NEDD4L: variants seen among roughly 807,000 people sequenced by gnomAD.
NEDD4L encodes NEDD4 like E3 ubiquitin protein ligase, also known as E3 ubiquitin-protein ligase NEDD4-like.
A neutral mutation model predicts 148.9 loss-of-function variants in NEDD4L; 54 were observed. The ratio of observed to expected loss-of-function variants is 0.36; its 90% CI spans 0.29 to 0.45. NEDD4L has a LOEUF of 0.45. NEDD4L is among the 20% of genes least tolerant of loss of function. The pLI is 1.00. For synonymous variants in NEDD4L, 433 were observed against 440.7 expected (o/e 0.98, Z 0.22); for missense variants, 856 against 1,233.8 (o/e 0.69, Z 4.59).
intron 1 of NEDD4L, among the ~76,000 whole-genome samples, chr18:58,142,012 C>T (rs572311737): frequency 3.2e-4 from 46 of 143,894 alleles, no homozygotes; most frequent in Non-Finnish European, 5.0e-4. Flanking sequence ...CCCACCCCCC[C>T]GACCCCACTG....
chr18:58,319,237 C>G (rs2058562107), intron 6 of NEDD4L, among the ~76,000 whole-genome samples: 1 of 152,144 alleles, frequency 6.6e-6, no homozygotes, highest in African/African-American at 2.4e-5. Flanking sequence ...CAGCAATAAG[C>G]AGGTCATTGG....
At chr18:58,071,880 G>A (rs2082888873) in intron 1 of NEDD4L, among the ~76,000 whole-genome samples, 1 of 152,162 alleles carries the variant, frequency 6.6e-6, no homozygotes, top group African/African-American at 2.4e-5. Flanking sequence ...AGTACCATGA[G>A]AACAGTATGG....
intron 9 of NEDD4L, among the ~76,000 whole-genome samples, chr18:58,328,601 C>G (rs995302805): frequency 3.9e-5 from 6 of 152,164 alleles, no homozygotes; most frequent in Non-Finnish European, 5.9e-5. Context: ...TGCTGGACTT[C>G]TAGAAGGATT....
At chr18:58,374,603 A>G (rs2047309595) in intron 24 of NEDD4L, among the ~76,000 whole-genome samples, 1 of 151,966 alleles carries the variant, frequency 6.6e-6, no homozygotes, top group Non-Finnish European at 1.5e-5. Context: ...TCTGGTCTCC[A>G]GCAGCCTCCC....
chr18:58,370,474 A>T lies in NEDD4L; in HGVS notation c.2256+7A>T. On this transcript the variant is annotated splice_region_variant and intron_variant, in intron 23 of 30. Transcript: ENST00000400345. ...GAATGACATGGAATCTGTGGTAAGTAAATGCACGTCACACACTGGCCATCA... is the reference window on the plus strand; with the variant it reads ...GAATGACATGGAATCTGTGGTAAGTTAATGCACGTCACACACTGGCCATCA... 6.3e-7 allele frequency: 1 copy of T among 1,582,500 alleles called. No homozygotes were observed. The highest frequency in any genetic ancestry group is 1.7e-5 in the Admixed American group (1 of 60,000).
intron 6 of NEDD4L, among the ~76,000 whole-genome samples, chr18:58,317,789 G>A (rs752329446): frequency 5.3e-5 from 8 of 152,190 alleles, no homozygotes; most frequent in Admixed American, 1.3e-4. Flanking sequence ...GGGTAGAGCC[G>A]TGAACGCCCA....
At chr18:58,209,165 CCCCTCA>C in intron 2 of NEDD4L, among the ~76,000 whole-genome samples, 1 of 89,958 alleles carries the variant, frequency 1.1e-5, no homozygotes, top group African/African-American at 3.7e-5. Flanking sequence ...GCAATTCCTC[CCCCTCA>C]TCCTGCCCCC....
rs57529055 is a variant in NEDD4L, at chr18:58,273,427, C to A, written c.297+21373C>A. On this transcript the variant is annotated intron_variant, in intron 5 of 30. Transcript: ENST00000400345. ...TCTCTCTCTCTCGTTGTTACTCTTA[C>A]AAATGATAGGAGGCCACTTTTGTTT... Among the ~76,000 whole-genome samples the A allele has an allele frequency of 8.3e-3, 1,264 of 152,318 alleles. 20 individuals are homozygous for A. Among genetic ancestry groups the A allele is most frequent in the African/African-American group, 0.029 (1,202 of 41,576 alleles).
intron 30 of NEDD4L, among the ~76,000 whole-genome samples, chr18:58,392,664 C>A (rs914289739): frequency 3.3e-5 from 5 of 152,090 alleles, no homozygotes; most frequent in African/African-American, 1.2e-4. Flanking sequence ...CAGTCATTGT[C>A]CGTGGTTCTC....
chr18:58,389,309 G>C, intron 28 of NEDD4L, 117 bp downstream of exon 28: 1 of 710,808 alleles, frequency 1.4e-6, no homozygotes, highest in Non-Finnish European at 2.3e-6. Flanking sequence ...GGGTCTGTTA[G>C]AGCTTGGACT....
chr18:58,105,461 A>G (rs2085017663), intron 1 of NEDD4L, among the ~76,000 whole-genome samples: 1 of 152,192 alleles, frequency 6.6e-6, no homozygotes, highest in Non-Finnish European at 1.5e-5. Context: ...GTGCCTAGCA[A>G]CGGCTTAATA....
intron 2 of NEDD4L, chr18:58,227,838 C>G (rs901667653): frequency 1.8e-5 from 18 of 974,892 alleles, no homozygotes; most frequent in Non-Finnish European, 2.1e-5. Flanking sequence ...AGCTTCTGCT[C>G]CATTGCTGTT....
At chr18:58,257,565 T>C (rs1308476407) in intron 5 of NEDD4L, among the ~76,000 whole-genome samples, 1 of 152,156 alleles carries the variant, frequency 6.6e-6, no homozygotes, top group East Asian at 1.9e-4. Context: ...CCGAGGATGC[T>C]GTATATAGAA....
chr18:58,271,433 G>T (rs2148819444), intron 5 of NEDD4L, among the ~76,000 whole-genome samples: 2 of 152,176 alleles, frequency 1.3e-5, no homozygotes, highest in Middle Eastern at 6.8e-3. Context: ...TTTTTTAAAG[G>T]CCAAACCAAG....
chr18:58,143,758 C>T (rs1301204276), intron 1 of NEDD4L, among the ~76,000 whole-genome samples: 2 of 152,074 alleles, frequency 1.3e-5, no homozygotes, highest in African/African-American at 2.4e-5. Context: ...GAAGACACAG[C>T]GGCCGGTGGT....
intron 1 of NEDD4L, among the ~76,000 whole-genome samples, chr18:58,152,718 G>A (rs1403016275): frequency 1.3e-5 from 2 of 152,184 alleles, no homozygotes; most frequent in African/African-American, 4.8e-5. Flanking sequence ...CTTCCAAGTT[G>A]CCAGGTGATG....
At chr18:58,269,712 G>C (rs183177195) in intron 5 of NEDD4L, among the ~76,000 whole-genome samples, 2 of 152,160 alleles carry the variant, frequency 1.3e-5, no homozygotes, top group East Asian at 1.9e-4. Flanking sequence ...TAATGCTACT[G>C]ACAGCCTAAA....
rs112300140 is a variant in NEDD4L at position 58,308,642 on chromosome 18, A to G, written c.298-7340A>G. Among the ~76,000 whole-genome samples the G allele has an allele frequency of 3.3e-4, 51 of 152,330 alleles. 1 individual carries two copies. The highest frequency in any genetic ancestry group is 1.0e-3 in the South Asian group (5 of 4,822). ...GTGACAGGCAGCATGGACTGTTGCCACCTGTGCTGCAGGCAGCTTCAGTGC... is the reference window on the plus strand; with the variant it reads ...GTGACAGGCAGCATGGACTGTTGCCGCCTGTGCTGCAGGCAGCTTCAGTGC... On this transcript the variant is annotated intron_variant, in intron 5 of 30. Transcript: ENST00000400345.
At chr18:58,094,341 C>T (rs528371287) in intron 1 of NEDD4L, among the ~76,000 whole-genome samples, 45 of 152,014 alleles carry the variant, frequency 3.0e-4, no homozygotes, top group Middle Eastern at 3.4e-3. Flanking sequence ...CATGCCACCC[C>T]GCCTGGCTAA....
Sources: allele counts gnomAD v4.1 joint callset (sites outside exome capture counted in the v4.1 genomes callset), GRCh38; gene constraint gnomAD v4.1.1; transcripts MANE v1.5; gene names NCBI Gene and HGNC (gene_info 2026-07-23, HGNC 2026-07-21).